D2HGDH: variants seen among roughly 807,000 people sequenced by gnomAD.
D2HGDH encodes D-2-hydroxyglutarate dehydrogenase.
Under a neutral mutation model 46.9 loss-of-function variants are expected in D2HGDH, and 31 were observed. That is an observed-to-expected ratio of 0.66 (90% CI 0.50 to 0.89). D2HGDH has a LOEUF of 0.89. D2HGDH is among the 40% of genes least tolerant of loss of function. The pLI is 0.00. For synonymous variants in D2HGDH, 364 were observed against 332.6 expected, an observed-to-expected ratio of 1.09 and a Z score of -1.03; for missense variants, 698 against 720.8, an observed-to-expected ratio of 0.97 and a Z score of 0.36.
Position 241,742,311 on chromosome 2 carries a change from G to C in D2HGDH, c.351-124G>C. 7.5e-7 allele frequency: 1 copy of C among 1,326,324 alleles called. No homozygotes were observed. The highest frequency in any genetic ancestry group is 1.0e-6 in the Non-Finnish European group (1 of 972,762). The allele number at this position is 1,326,324 out of a possible 1,614,324, so 82.2% of individuals were successfully genotyped here. On this transcript the variant is annotated intron_variant, in intron 3 of 9. Coordinates refer to ENST00000321264, the MANE Select transcript of D2HGDH (RefSeq NM_152783.5). The surrounding 1 kb of genome is among the most constrained non-coding windows in gnomAD (Gnocchi z 4.8). Reference sequence around the variant, plus strand: ...CGTGGGCTGGGGAGGAGCCCCCGCTGAGGCTGCAGGCAGGGCAGGGTAATC... The same window carrying C: ...CGTGGGCTGGGGAGGAGCCCCCGCTCAGGCTGCAGGCAGGGCAGGGTAATC...
rs1699305207 is a variant in D2HGDH at position 241,768,143 on chromosome 2, C to T, written c.*174C>T. 36 of 1,035,036 alleles carry T rather than the reference C, an allele frequency of 3.5e-5. No individual in the cohort carries two copies. Among genetic ancestry groups the T allele is most frequent in the Non-Finnish European group, 4.6e-5 (34 of 735,824 alleles). 64.1% of individuals were successfully genotyped at this position (1,035,036 alleles called of 1,614,324 possible). ...CCGGACGCAGGCCCTCGGGCAGGAG[C>T]ATCTGGCAGAGTGGGGGGCGTGGCA... is the stretch of plus-strand genomic sequence containing the variant. On this transcript the variant is annotated 3_prime_UTR_variant, in exon 10 of 10. Coordinates refer to ENST00000321264, the MANE Select transcript of D2HGDH (RefSeq NM_152783.5).
Position 241,734,872 on chromosome 2 carries a change from G to A in D2HGDH, c.-93+177G>A, listed in dbSNP as rs1692299860. 1.6e-5 allele frequency: 4 copies of A among 243,438 alleles called. No homozygotes were observed. In the South Asian group the frequency reaches 5.4e-4, roughly 33 times the overall value. 15.1% of individuals were successfully genotyped at this position (243,438 alleles called of 1,614,324 possible). On this transcript the variant is annotated intron_variant, in intron 1 of 9. Coordinates refer to ENST00000321264, the MANE Select transcript of D2HGDH (RefSeq NM_152783.5). The stretch of plus-strand genomic sequence containing the variant: ...GCGTGGAACACGCGCGCGCGTCCGC[G>A]GGATCCCCTCGGGGGGCGAGCTCGG...
intron 2 of D2HGDH, 39 bp from the exon 3 acceptor site, chr2:241,740,994 C>T (rs753697723): frequency 8.3e-6 from 13 of 1,570,890 alleles, no homozygotes; most frequent in South Asian, 1.1e-5. Context: ...ATCTGCAGCT[C>T]CCCCCACGCT....
chr2:241,735,042 C>G, intron 1 of D2HGDH, 91 bp from the exon 2 acceptor site: 1 of 689,148 alleles, frequency 1.5e-6, no homozygotes, highest in South Asian at 2.3e-5. Context: ...GCCTTCCCTT[C>G]GCTGCCCTCC....
At chr2:241,745,803 C>T (rs1695707438) in intron 6 of D2HGDH, among the ~76,000 whole-genome samples, 1 of 152,174 alleles carries the variant, frequency 6.6e-6, no homozygotes, top group Non-Finnish European at 1.5e-5. Context: ...ATTTCATCCT[C>T]ATTCTTGAAG....
At chr2:241,749,228 C>A in intron 6 of D2HGDH, 1 of 1,102,784 alleles carries the variant, frequency 9.1e-7, no homozygotes, top group Non-Finnish European at 1.2e-6. Context: ...GCCCTCTACG[C>A]GTCTGCAGCC....
chr2:241,758,485 C>CT (rs1422831261), intron 9 of D2HGDH, among the ~76,000 whole-genome samples: 1 of 151,880 alleles, frequency 6.6e-6, no homozygotes, highest in East Asian at 1.9e-4. Flanking sequence ...CCCCCACACC[C>CT]TTTTTTTTGG....
rs180698643 is a variant in D2HGDH, at chr2:241,744,925, G to A, written c.853+48G>A. Reference sequence around the variant, plus strand: ...TTGAGATGGGTGGTTGGGCTCGAGCGTCTGCTCTGATGGTGCCACTGTTGG... The same window carrying A: ...TTGAGATGGGTGGTTGGGCTCGAGCATCTGCTCTGATGGTGCCACTGTTGG... On this transcript the variant is annotated intron_variant, in intron 6 of 9. Coordinates refer to ENST00000321264, the MANE Select transcript of D2HGDH (RefSeq NM_152783.5). 1.2e-3 allele frequency: 1,923 copies of A among 1,612,122 alleles called. 5 individuals are homozygous for A. The Middle Eastern group carries it at 0.012, about 10-fold the overall frequency.
At position 241,742,539 on chromosome 2, in the gene D2HGDH, G is replaced by T. The variant is rs374397125; in HGVS notation, c.455G>T (p.Arg152Leu). Reference sequence around the variant, plus strand: ...GACGAGATCATCCTCTCCACTGCCCGCATGAACCGGGTCCTCAGCTTCCAC... The same window carrying T: ...GACGAGATCATCCTCTCCACTGCCCTCATGAACCGGGTCCTCAGCTTCCAC... ...VFDEIILSTARMNRVLSFHSV... is the reference protein window; with the variant it reads ...VFDEIILSTALMNRVLSFHSV... Residue 152 changes from arginine to leucine, a missense_variant, in exon 4 of 10, where the codon CGC (arginine) becomes CTC (leucine). Physicochemically the swap from Arg to Leu is moderately radical, Grantham distance 102. Coordinates refer to ENST00000321264, the MANE Select transcript of D2HGDH (RefSeq NM_152783.5). The surrounding 1 kb of genome is among the most constrained non-coding windows in gnomAD (Gnocchi z 4.8). 43 of 1,613,978 alleles carry T rather than the reference G, an allele frequency of 2.7e-5. No homozygotes were observed. The highest frequency in any genetic ancestry group is 3.1e-5 in the Non-Finnish European group (37 of 1,180,022).
At chr2:241,745,011 A>T in intron 6 of D2HGDH, 134 bp downstream of exon 6, 1 of 1,211,046 alleles carries the variant, frequency 8.3e-7, no homozygotes, top group Admixed American at 2.1e-5. Flanking sequence ...GTCTCCTGAC[A>T]TCTCTGCTTC....
intron 2 of D2HGDH, among the ~76,000 whole-genome samples, chr2:241,737,697 C>T (rs1575178993): frequency 1.3e-5 from 2 of 152,120 alleles, no homozygotes; most frequent in East Asian, 1.9e-4. Context: ...TCAAGACCAG[C>T]CTGAGCAACA....
At chr2:241,758,765 A>ATGTGTGTGTGTG (rs1491270413) in intron 9 of D2HGDH, among the ~76,000 whole-genome samples, 1 of 113,356 alleles carries the variant, frequency 8.8e-6, no homozygotes, top group South Asian at 3.5e-4. Context: ...CCGCCCCACA[A>ATGTGTGTGTGTG]TATATGTGTG....
chr2:241,753,933 C>T (rs1697723353), intron 8 of D2HGDH, among the ~76,000 whole-genome samples: 1 of 152,222 alleles, frequency 6.6e-6, no homozygotes, highest in Admixed American at 6.5e-5. Flanking sequence ...CAGGGCCAGG[C>T]AGGGTCATGG....
At chr2:241,747,403 CT>C (rs1392537997) in intron 6 of D2HGDH, among the ~76,000 whole-genome samples, 1 of 151,958 alleles carries the variant, frequency 6.6e-6, no homozygotes, top group Non-Finnish European at 1.5e-5. Context: ...TTTGCTTTTG[CT>C]TTTGCTTTTG....
intron 6 of D2HGDH, chr2:241,749,134 C>A: frequency 1.1e-6 from 1 of 871,644 alleles, no homozygotes; most frequent in Non-Finnish European, 1.5e-6. Context: ...TGTCCCACTT[C>A]CTGGGGATTC....
intron 7 of D2HGDH, among the ~76,000 whole-genome samples, chr2:241,750,978 G>C (rs1167971496): frequency 6.6e-6 from 1 of 152,124 alleles, no homozygotes; most frequent in Non-Finnish European, 1.5e-5. Context: ...GGCTGGTCTC[G>C]AACTCGTGAC....
At chr2:241,748,993 G>A (rs773989685) in intron 6 of D2HGDH, 61 of 1,228,912 alleles carry the variant, frequency 5.0e-5, no homozygotes, top group Non-Finnish European at 5.8e-5. Context: ...CGTCTAAGCC[G>A]GGTGGAACAG....
chr2:241,749,442 C>G, intron 6 of D2HGDH: 1 of 1,147,060 alleles, frequency 8.7e-7, no homozygotes, highest in Non-Finnish European at 1.1e-6. Flanking sequence ...CTGGGGCTGC[C>G]CGCCTGCAGA....
At chr2:241,765,017 G>T (rs994777066) in intron 9 of D2HGDH, among the ~76,000 whole-genome samples, 3 of 152,186 alleles carry the variant, frequency 2.0e-5, no homozygotes, top group African/African-American at 7.2e-5. Flanking sequence ...TGGGCTAAGT[G>T]GACCAGAGAG....
Sources: allele counts gnomAD v4.1 joint callset (sites outside exome capture counted in the v4.1 genomes callset), GRCh38; gene constraint gnomAD v4.1.1; non-coding constraint Gnocchi (gnomAD v3.1); transcripts MANE v1.5; gene names NCBI Gene and HGNC (gene_info 2026-07-23, HGNC 2026-07-21).